Variants in UBE2D3 observed in about 807,000 individuals in gnomAD.
UBE2D3 encodes ubiquitin-conjugating enzyme E2 D3.
Under a neutral mutation model 22.8 loss-of-function variants are expected in UBE2D3, and 2 were observed. That is an observed-to-expected ratio of 0.09 (90% CI 0.04 to 0.28). The LOEUF (loss-of-function observed/expected upper bound fraction) is 0.28. UBE2D3 is among the 10% of genes least tolerant of loss of function. The probability of loss-of-function intolerance (pLI) is 1.00; values close to 1 mark genes in which losing one functional copy is unlikely to be tolerated. For synonymous variants in UBE2D3, 56 were observed against 60.4 expected (o/e 0.93, Z 0.34); for missense variants, 27 against 182.5 (o/e 0.15, Z 4.91).
intron 2 of UBE2D3, chr4:102,819,593 T>G (rs1209367148): frequency 3.0e-6 from 3 of 985,186 alleles, no homozygotes; most frequent in Middle Eastern, 5.2e-4. Context: ...CGTAACGCCA[T>G]AAATAACTTA....
chr4:102,852,467 C>G (rs1732408765), intron 1 of UBE2D3, among the ~76,000 whole-genome samples: 1 of 152,180 alleles, frequency 6.6e-6, no homozygotes, highest in Non-Finnish European at 1.5e-5. Context: ...TGTGCACACA[C>G]AAATATGTAA....
chr4:102,799,839 G>A (rs116184226), intron 6 of UBE2D3, among the ~76,000 whole-genome samples: 2,399 of 144,954 alleles, frequency 0.017, 101 homozygotes, highest in African/African-American at 0.054. Flanking sequence ...GGCTGGGGGG[G>A]GGGGGACTTT....
chr4:102,803,302 A>C (rs1235530272), intron 4 of UBE2D3, among the ~76,000 whole-genome samples: 1 of 152,238 alleles, frequency 6.6e-6, no homozygotes, highest in African/African-American at 2.4e-5. Context: ...CAGGAATTTA[A>C]AGTTAAAATG....
chr4:102,853,063 T>A (rs1732441537), intron 1 of UBE2D3, among the ~76,000 whole-genome samples: 1 of 151,710 alleles, frequency 6.6e-6, no homozygotes, highest in Non-Finnish European at 1.5e-5. Context: ...GTGGGGGCAC[T>A]CTCATCTGTT....
At chr4:102,841,274 G>A (rs1307041553) in intron 1 of UBE2D3, among the ~76,000 whole-genome samples, 2 of 152,026 alleles carry the variant, frequency 1.3e-5, no homozygotes, top group Non-Finnish European at 2.9e-5. Context: ...AAATACCTAA[G>A]AATATATGAA....
chr4:102,828,147 T>G (rs1415092781), upstream of UBE2D3: 2 of 985,356 alleles, frequency 2.0e-6, no homozygotes, highest in African/African-American at 1.7e-5. Flanking sequence ...TGAATGCTTA[T>G]GCCGGTGGTT....
At chr4:102,818,991 T>C (rs559935412) in intron 2 of UBE2D3, among the ~76,000 whole-genome samples, 119 of 152,224 alleles carry the variant, frequency 7.8e-4, no homozygotes, top group African/African-American at 2.6e-3. Flanking sequence ...GGCCAAGGTA[T>C]TGAAAACATT....
chr4:102,841,328 C>A, intron 1 of UBE2D3, among the ~76,000 whole-genome samples: 1 of 152,074 alleles, frequency 6.6e-6, no homozygotes, highest in Admixed American at 6.6e-5. Flanking sequence ...TTAATGGTAA[C>A]TTAGTTGTTC....
At chr4:102,845,957 A>T (rs1732020820) in intron 1 of UBE2D3, among the ~76,000 whole-genome samples, 1 of 151,778 alleles carries the variant, frequency 6.6e-6, no homozygotes, top group East Asian at 1.9e-4. Context: ...CACCCAGCTA[A>T]TTTTTGTATT....
At chr4:102,838,117 C>CA (rs1479805184) in intron 1 of UBE2D3, among the ~76,000 whole-genome samples, 5 of 151,556 alleles carry the variant, frequency 3.3e-5, no homozygotes, top group Admixed American at 6.6e-5. Flanking sequence ...GACTCTGTCT[C>CA]AAAAAAAACT....
At chr4:102,827,166 G>C in intron 1 of UBE2D3, 2 of 986,866 alleles carry the variant, frequency 2.0e-6, no homozygotes, top group Non-Finnish European at 2.4e-6. Context: ...GCCTTCCAGC[G>C]CGCTCCCGCG....
At chr4:102,858,822 C>T (rs1298681005) in intron 1 of UBE2D3, among the ~76,000 whole-genome samples, 2 of 151,878 alleles carry the variant, frequency 1.3e-5, no homozygotes, top group African/African-American at 2.4e-5. Context: ...TCTATCCTCT[C>T]CCACATTGTT....
chr4:102,820,005 CA>C, intron 2 of UBE2D3, among the ~76,000 whole-genome samples: 1 of 152,282 alleles, frequency 6.6e-6, no homozygotes, highest in Admixed American at 6.5e-5. Flanking sequence ...CAACACAAAA[CA>C]CTGCTTTGGG....
Position 102,795,379 on chromosome 4 carries a change from T to C in UBE2D3, c.*2036A>G, listed in dbSNP as rs1725170657. 1 of 152,228 alleles carries C rather than the reference T, an allele frequency of 6.6e-6. No homozygotes were observed. The highest frequency in any genetic ancestry group is 2.4e-5 in the African/African-American group (1 of 41,580). The allele number at this position is 152,228 out of a possible 1,614,324, so 9.4% of individuals were successfully genotyped here. On this transcript the variant is annotated 3_prime_UTR_variant, in exon 8 of 8. Coordinates refer to ENST00000453744, the MANE Select transcript of UBE2D3 (RefSeq NM_181891.3). ...AGCTGTTATTTTGAGACTATATGCA[T>C]CTCAGAAGTAATTTTGAAAATAGAG...
chr4:102,827,981 G>A, upstream of UBE2D3: 1 of 985,508 alleles, frequency 1.0e-6, no homozygotes, highest in Non-Finnish European at 1.2e-6. Context: ...GAACTTCGTG[G>A]CTGGCTAACC....
Position 102,813,354 on chromosome 4 carries a change from T to C in UBE2D3, c.25-3499A>G, listed in dbSNP as rs1342346403. Reference sequence around the variant, plus strand: ...GGTACGCATCACTATGTACAGCAATTTGTTGAACAATAAATGTACATTTTT... The same window carrying C: ...GGTACGCATCACTATGTACAGCAATCTGTTGAACAATAAATGTACATTTTT... On this transcript the variant is annotated intron_variant, in intron 2 of 7. Transcript: ENST00000453744. Among the ~76,000 whole-genome samples the C allele has an allele frequency of 2.6e-5, 4 of 152,292 alleles. No homozygotes were observed. In the East Asian group the frequency reaches 5.8e-4, roughly 22 times the overall value.
At chr4:102,838,103 G>A (rs1306021518) in intron 1 of UBE2D3, among the ~76,000 whole-genome samples, 4 of 152,110 alleles carry the variant, frequency 2.6e-5, no homozygotes, top group Admixed American at 2.6e-4. Context: ...TGGTGACAGA[G>A]CAAGACTCTG....
chr4:102,855,885 T>A (rs1732596550), intron 1 of UBE2D3, among the ~76,000 whole-genome samples: 1 of 152,122 alleles, frequency 6.6e-6, no homozygotes, highest in East Asian at 1.9e-4. Flanking sequence ...AAGGTAATAT[T>A]TACTACCAAA....
At chr4:102,808,414 G>A (rs1245953634) in intron 4 of UBE2D3, among the ~76,000 whole-genome samples, 7 of 152,092 alleles carry the variant, frequency 4.6e-5, no homozygotes, top group Admixed American at 2.6e-4. Flanking sequence ...TGTGCATTTC[G>A]TTATTACAGG....
Sources: gnomAD v4.1 joint callset for allele counts (sites outside exome capture counted in the v4.1 genomes callset) on GRCh38, gnomAD v4.1.1 for gene constraint, MANE v1.5 for transcripts, NCBI Gene and HGNC (gene_info 2026-07-23, HGNC 2026-07-21) for gene names.